MEAF6: variants seen among roughly 807,000 people sequenced by gnomAD.
MEAF6 encodes the protein chromatin modification-related protein MEAF6.
A neutral mutation model predicts 28.9 loss-of-function variants in MEAF6; 15 were observed. The observed-to-expected ratio is 0.52, with a 90% CI of 0.35 to 0.80. The LOEUF is 0.80. MEAF6 is among the 30% of genes least tolerant of loss of function. The pLI is 0.01. For missense variants in MEAF6, 178 were observed against 237.5 expected (o/e 0.75, Z 1.65); for synonymous variants, 97 against 88.7 (o/e 1.09, Z -0.53).
chr1:37,492,853 G>C lies in MEAF6; in HGVS notation c.*1246C>G, dbSNP rs1641983533. 6.6e-6 allele frequency: 1 copy of C among 152,228 alleles called. No individual in the cohort carries two copies. The highest frequency in any genetic ancestry group is 6.5e-5 in the Admixed American group (1 of 15,278). The allele number at this position is 152,228 out of a possible 1,614,324, so 9.4% of individuals were successfully genotyped here. On this transcript the variant is annotated 3_prime_UTR_variant, in exon 7 of 7. Transcript: ENST00000296214. ...CTTCTAATGTAGTGGTTCTCAACCT[G>C]GCTTCTTATCAGAATCCCAGGAACT...
Position 37,490,789 on chromosome 1 carries a change from G to A in MEAF6, c.*3310C>T, listed in dbSNP as rs1641902379. Reference sequence around the variant, plus strand: ...CGCCTGTAATCCTAGCACTTTGGGAGGCTGAGGCAGGTGGATTACGAAGTC... The same window carrying A: ...CGCCTGTAATCCTAGCACTTTGGGAAGCTGAGGCAGGTGGATTACGAAGTC... On this transcript the variant is annotated 3_prime_UTR_variant, in exon 7 of 7. Coordinates refer to ENST00000296214, the MANE Select transcript of MEAF6 (RefSeq NM_001270875.3). 6.6e-6 allele frequency among the ~76,000 whole-genome samples: 1 copy of A among 152,196 alleles called. No homozygotes were observed. The highest frequency in any genetic ancestry group is 2.1e-4 in the South Asian group (1 of 4,828).
chr1:37,493,398 T>C lies in MEAF6; in HGVS notation c.*701A>G. ...TAAACTTATGTTTTTCCATTTTTCC[T>C]GTTCCTTGAACATGAATCTACTACC... On this transcript the variant is annotated 3_prime_UTR_variant, in exon 7 of 7. Coordinates refer to ENST00000296214, the MANE Select transcript of MEAF6 (RefSeq NM_001270875.3). 4.3e-6 allele frequency: 1 copy of C among 230,136 alleles called. No individual in the cohort carries two copies. Among genetic ancestry groups the C allele is most frequent in the Non-Finnish European group, 8.4e-6 (1 of 119,540 alleles). The allele number at this position is 230,136 out of a possible 1,614,324, so 14.3% of individuals were successfully genotyped here. A position where few individuals can be genotyped will look rare whatever the true frequency, so the allele number is the denominator to read the frequency against.
rs1030080415 is a variant in MEAF6, at chr1:37,492,580, A to C, written c.*1519T>G. 15 of 151,798 alleles carry C rather than the reference A, an allele frequency of 9.9e-5. No individual in the cohort carries two copies. In the South Asian group the frequency reaches 2.1e-3, roughly 21 times the overall value. 9.4% of individuals were successfully genotyped at this position (151,798 alleles called of 1,614,324 possible). A position where few individuals can be genotyped will look rare whatever the true frequency, so the allele number is the denominator to read the frequency against. On this transcript the variant is annotated 3_prime_UTR_variant, in exon 7 of 7. Transcript: ENST00000296214. ...AGAGTCAAAAAAAAAAAAAAAAAAA[A>C]ACCCACAAAAGTTTATTTGAGAACA...
At position 37,495,872 on chromosome 1, in the gene MEAF6, G is replaced by A. The variant is rs201133071; in HGVS notation, c.567+13C>T. ...ATTGCCAGCCTCTCTGAAGTGGTCC[G>A]GCTGATACTTACAGCTCGTGGTTTT... On this transcript the variant is annotated intron_variant, in intron 6 of 6. Transcript: ENST00000296214. 276 of 1,613,740 alleles carry A rather than the reference G, an allele frequency of 1.7e-4. 1 individual carries two copies. In the South Asian group the frequency reaches 2.1e-3, roughly 13 times the overall value.
rs552422396 is a variant in MEAF6 at position 37,510,930 on chromosome 1, G to A, written c.207-1388C>T. Among the ~76,000 whole-genome samples the A allele has an allele frequency of 3.9e-5, 6 of 152,000 alleles. No homozygotes were observed. The South Asian group carries it at 1.2e-3, about 32-fold the overall frequency. ...AGAGACAGTTTCTCCATGTTGGTCAGGCTAGTCTTGAACTCCCAACCTCAG... is the reference window on the plus strand; with the variant it reads ...AGAGACAGTTTCTCCATGTTGGTCAAGCTAGTCTTGAACTCCCAACCTCAG... On this transcript the variant is annotated intron_variant, in intron 2 of 6. Transcript: ENST00000296214.
intron 5 of MEAF6, 37 bp from the exon 6 acceptor site, chr1:37,495,955 T>G: frequency 6.3e-7 from 1 of 1,586,048 alleles, no homozygotes; most frequent in Non-Finnish European, 8.7e-7. Context: ...TCCATTTTAA[T>G]TTACAGAAAA....
At chr1:37,500,075 G>A (rs1187199649) in intron 5 of MEAF6, among the ~76,000 whole-genome samples, 1 of 152,194 alleles carries the variant, frequency 6.6e-6, no homozygotes, top group Non-Finnish European at 1.5e-5. Context: ...GGGAGGCCGA[G>A]GCAGGTGGAT....
intron 4 of MEAF6, among the ~76,000 whole-genome samples, chr1:37,502,615 CTTTTTTT>C (rs35429238): frequency 1.8e-5 from 2 of 109,692 alleles, no homozygotes; most frequent in African/African-American, 6.7e-5. Flanking sequence ...CCTCGTAAGT[CTTTTTTT>C]TTTTTTTTTT....
In MEAF6 at chr1:37,490,613, T is replaced by C. The variant is rs1282002469; in HGVS notation, c.*3486A>G. Among the ~76,000 whole-genome samples, 2 of 152,150 alleles carry C rather than the reference T, an allele frequency of 1.3e-5. No homozygotes were observed. Among genetic ancestry groups the C allele is most frequent in the African/African-American group, 4.8e-5 (2 of 41,446 alleles). ...CAGTGGCCATTCACAGAAATGATCATAGCATACTGTAGCCTTGAACTTCTG... is the reference window on the plus strand; with the variant it reads ...CAGTGGCCATTCACAGAAATGATCACAGCATACTGTAGCCTTGAACTTCTG... On this transcript the variant is annotated 3_prime_UTR_variant, in exon 7 of 7. Coordinates refer to ENST00000296214, the MANE Select transcript of MEAF6 (RefSeq NM_001270875.3).
At position 37,493,646 on chromosome 1, in the gene MEAF6, A is replaced by AG. The variant is rs755966573; in HGVS notation, c.*452dup. Reference sequence around the variant, plus strand: ...AAGAAAATAAGATAAAAACAACAAGAGAAAAACAAGAAAACATAAAACAAT... The same window carrying AG: ...AAGAAAATAAGATAAAAACAACAAGAGGAAAAACAAGAAAACATAAAACAAT... On this transcript the variant is annotated 3_prime_UTR_variant, in exon 7 of 7. Transcript: ENST00000296214. 1.8e-4 allele frequency: 154 copies of AG among 851,522 alleles called. 3 individuals carry two copies. The highest frequency in any genetic ancestry group is 4.6e-4 in the Middle Eastern group (2 of 4,366). 52.7% of individuals were successfully genotyped at this position (851,522 alleles called of 1,614,324 possible).
chr1:37,514,705 G>A lies in MEAF6; in HGVS notation c.42C>T (p.Asp14=), dbSNP rs1257346632. The A allele has an allele frequency of 1.9e-6, 3 of 1,542,440 alleles. No individual in the cohort carries two copies. Among genetic ancestry groups the A allele is most frequent in the African/African-American group, 1.4e-5 (1 of 69,976 alleles). The part of the protein sequence containing the change: ...HNKAAPPQIP[D]TRRELAELVK... ...CGAGCTCCGCCAGCTCCCGCCGGGT[G>A]TCCGGGATCTGCGGCGGCGCCGCCT... The change falls in exon 1 of 7, where the codon GAC becomes GAT. Residue 14 remains aspartate, a synonymous_variant. Transcript: ENST00000296214.
intron 4 of MEAF6, among the ~76,000 whole-genome samples, chr1:37,502,357 T>C (rs1642336815): frequency 6.6e-6 from 1 of 151,910 alleles, no homozygotes; most frequent in Admixed American, 6.6e-5. Context: ...ATCACAGGCA[T>C]GAGATACTGT....
intron 2 of MEAF6, among the ~76,000 whole-genome samples, chr1:37,511,988 G>A (rs550912748): frequency 6.6e-6 from 1 of 152,274 alleles, no homozygotes; most frequent in African/African-American, 2.4e-5. Context: ...TTAGGTAGAA[G>A]AAATGGCCCT....
intron 1 of MEAF6, chr1:37,514,065 G>A (rs76152555): frequency 2.3e-3 from 403 of 174,274 alleles, no homozygotes; most frequent in African/African-American, 9.1e-3. Flanking sequence ...TTAGCCACCA[G>A]AGTGCATTGG....
chr1:37,490,900 GCCTGT>G lies in MEAF6; in HGVS notation c.*3194_*3198del, dbSNP rs1032088188. On this transcript the variant is annotated 3_prime_UTR_variant, in exon 7 of 7. Transcript: ENST00000296214. The stretch of plus-strand genomic sequence containing the variant: ...AAACTAGCTGGGTGTGGTAGCACGC[GCCTGT>G]AGTCTCAGCTACTCGAGAGGCTGAG... Among the ~76,000 whole-genome samples, 1 of 152,058 alleles carries G rather than the reference GCCTGT, an allele frequency of 6.6e-6. No individual in the cohort carries two copies. The highest frequency in any genetic ancestry group is 1.5e-5 in the Non-Finnish European group (1 of 68,016).
chr1:37,513,633 C>G, intron 1 of MEAF6, 95 bp from the exon 2 acceptor site: 2 of 998,258 alleles, frequency 2.0e-6, no homozygotes, highest in Non-Finnish European at 3.2e-6. Context: ...CTCGTAAACG[C>G]AAGCTTGCCC....
At chr1:37,513,737 G>A in intron 1 of MEAF6, 199 bp from the exon 2 acceptor site, 3 of 596,344 alleles carry the variant, frequency 5.0e-6, no homozygotes, top group East Asian at 5.5e-5. Flanking sequence ...ATGGACCCCT[G>A]AATGTATAAA....
intron 5 of MEAF6, among the ~76,000 whole-genome samples, chr1:37,499,259 C>A (rs988681318): frequency 1.3e-5 from 2 of 152,164 alleles, no homozygotes; most frequent in Non-Finnish European, 2.9e-5. Context: ...CAGTGTCTGG[C>A]ACACAGTAAG....
chr1:37,514,479 C>T (rs12126401), intron 1 of MEAF6, 178 bp downstream of exon 1: 23,688 of 380,778 alleles, frequency 0.062, 914 homozygotes, highest in South Asian at 0.14. Flanking sequence ...TTCGCACAGC[C>T]GGGAAGCTGA....
Sources: allele counts gnomAD v4.1 joint callset (sites outside exome capture counted in the v4.1 genomes callset), GRCh38; gene constraint gnomAD v4.1.1; transcripts MANE v1.5; gene names NCBI Gene and HGNC (gene_info 2026-07-23, HGNC 2026-07-21).